The following PPFIBP2 variants were observed in gnomAD, a reference collection of about 807,000 sequenced individuals.
PPFIBP2 encodes PPFIB scaffold protein 2.
PPFIBP2 carries 118 observed loss-of-function variants against 118.3 expected under a neutral mutation model. That is an observed-to-expected ratio of 1.00 (90% CI 0.86 to 1.16). The LOEUF (loss-of-function observed/expected upper bound fraction) is 1.16. Ranked by LOEUF, PPFIBP2 falls within the 50% of genes most tolerant of loss-of-function variation. The pLI is 0.00. For missense variants in PPFIBP2, 1,195 were observed against 1,073.1 expected, an observed-to-expected ratio of 1.11 and a Z score of -1.59; for synonymous variants, 414 against 397.4, an observed-to-expected ratio of 1.04 and a Z score of -0.50.
intron 1 of PPFIBP2, chr11:7,538,175 C>T (rs939930561): frequency 2.0e-5 from 3 of 152,282 alleles, no homozygotes; most frequent in Non-Finnish European, 2.9e-5. Flanking sequence ...GACTCACACC[C>T]GTTTCCTGGC....
At chr11:7,541,952 T>C (rs1333535710) in intron 1 of PPFIBP2, among the ~76,000 whole-genome samples, 3 of 152,182 alleles carry the variant, frequency 2.0e-5, no homozygotes, top group African/African-American at 7.2e-5. Flanking sequence ...GTCCCCAAGG[T>C]ATATCAGGAA....
intron 4 of PPFIBP2, 80 bp downstream of exon 4, chr11:7,593,304 G>T: frequency 6.6e-7 from 1 of 1,516,494 alleles, no homozygotes. Flanking sequence ...GGAAGCCCAA[G>T]AGATTTTCTC....
intron 3 of PPFIBP2, among the ~76,000 whole-genome samples, chr11:7,588,068 C>T (rs1858535129): frequency 1.3e-5 from 2 of 152,120 alleles, no homozygotes; most frequent in African/African-American, 4.8e-5. Context: ...AAATCTCATC[C>T]CTAAAATGCA....
chr11:7,611,226 A>T (rs562640958), intron 6 of PPFIBP2, among the ~76,000 whole-genome samples: 11 of 152,346 alleles, frequency 7.2e-5, no homozygotes, highest in African/African-American at 2.4e-4. Context: ...TCTGAACTTC[A>T]ATTTCTTTAT....
At position 7,650,389 on chromosome 11, in the gene PPFIBP2, T is replaced by C. The variant is rs76408435; in HGVS notation, c.2122-451T>C. On this transcript the variant is annotated intron_variant, in intron 21 of 23. Transcript: ENST00000299492. ...ATGTCAGGCACAGCGCTGTGCATTTTTAAGACCACAGTGCTACGTGAGAGC... is the reference window on the plus strand; with the variant it reads ...ATGTCAGGCACAGCGCTGTGCATTTCTAAGACCACAGTGCTACGTGAGAGC... Among the ~76,000 whole-genome samples the C allele has an allele frequency of 8.0e-3, 1,225 of 152,300 alleles. 12 individuals carry two copies. The highest frequency in any genetic ancestry group is 0.027 in the African/African-American group (1,134 of 41,546).
At chr11:7,649,767 C>T (rs1853693744) in intron 21 of PPFIBP2, 113 bp downstream of exon 21, 1 of 1,454,678 alleles carries the variant, frequency 6.9e-7, no homozygotes, top group Non-Finnish European at 9.4e-7. Flanking sequence ...CACCATGGTG[C>T]CTGGGATTCT....
At chr11:7,586,031 A>T (rs1275617242) in intron 3 of PPFIBP2, among the ~76,000 whole-genome samples, 1 of 152,248 alleles carries the variant, frequency 6.6e-6, no homozygotes, top group East Asian at 1.9e-4. Context: ...AAATGTGAGC[A>T]CTTGTTCAGG....
the PPFIBP2 span, among the ~76,000 whole-genome samples, chr11:7,662,231 T>A: frequency 3.3e-5 from 5 of 152,306 alleles, no homozygotes; most frequent in African/African-American, 1.2e-4. Context: ...TGATGCAGTT[T>A]CTTCCTAGTC....
intron 6 of PPFIBP2, among the ~76,000 whole-genome samples, chr11:7,612,233 G>A (rs1314282857): frequency 6.6e-6 from 1 of 152,238 alleles, no homozygotes; most frequent in Non-Finnish European, 1.5e-5. Flanking sequence ...CCCAGGTGGT[G>A]ACAGAGATAG....
At chr11:7,559,831 T>C (rs1174530971) in intron 2 of PPFIBP2, among the ~76,000 whole-genome samples, 3 of 152,226 alleles carry the variant, frequency 2.0e-5, no homozygotes, top group African/African-American at 7.2e-5. Context: ...TGGGCTACTC[T>C]AGAGTCAGCT....
intron 2 of PPFIBP2, among the ~76,000 whole-genome samples, chr11:7,550,995 G>A (rs948042995): frequency 2.6e-5 from 4 of 152,070 alleles, no homozygotes; most frequent in Admixed American, 1.3e-4. Context: ...CCTTGTGGTC[G>A]TGTGAGTTAA....
intron 1 of PPFIBP2, among the ~76,000 whole-genome samples, chr11:7,519,244 G>C (rs1849514253): frequency 1.3e-5 from 2 of 152,108 alleles, no homozygotes; most frequent in African/African-American, 4.8e-5. Context: ...TGGGAGGAAT[G>C]GACAGCAGTC....
At chr11:7,577,639 G>T (rs1454419338) in intron 3 of PPFIBP2, 1 of 455,652 alleles carries the variant, frequency 2.2e-6, no homozygotes, top group South Asian at 1.5e-5. Flanking sequence ...GCTGAAGAGG[G>T]TAAGTGACTG....
intron 2 of PPFIBP2, among the ~76,000 whole-genome samples, chr11:7,561,749 A>C (rs1336805800): frequency 6.6e-6 from 1 of 152,258 alleles, no homozygotes; most frequent in Non-Finnish European, 1.5e-5. Flanking sequence ...CCCCAAACAT[A>C]ACATCATACA....
At chr11:7,600,314 G>A (rs1332319199) in intron 5 of PPFIBP2, among the ~76,000 whole-genome samples, 1 of 152,218 alleles carries the variant, frequency 6.6e-6, no homozygotes, top group African/African-American at 2.4e-5. Context: ...ATCCAAAGTT[G>A]AATGTTCGGC....
downstream of PPFIBP2, among the ~76,000 whole-genome samples, chr11:7,661,345 G>T (rs1395347065): frequency 6.6e-5 from 10 of 150,668 alleles, no homozygotes; most frequent in Non-Finnish European, 1.5e-5. Context: ...CTGGTATGTT[G>T]TGTCTCTGTT....
chr11:7,625,164 C>T (rs1419890134), intron 7 of PPFIBP2, among the ~76,000 whole-genome samples: 1 of 152,084 alleles, frequency 6.6e-6, no homozygotes, highest in East Asian at 1.9e-4. Flanking sequence ...ATGAAGCACT[C>T]CTGAATGCTT....
chr11:7,581,132 C>G (rs1208168767), intron 3 of PPFIBP2, among the ~76,000 whole-genome samples: 1 of 152,224 alleles, frequency 6.6e-6, no homozygotes, highest in Non-Finnish European at 1.5e-5. Flanking sequence ...AGTTCATTCT[C>G]CTAACAGACA....
chr11:7,641,757 A>G (rs890282721), intron 16 of PPFIBP2, 137 bp downstream of exon 16: 43 of 910,564 alleles, frequency 4.7e-5, no homozygotes, highest in Non-Finnish European at 7.0e-5. Flanking sequence ...AAAGAGAAGA[A>G]TCTGAGATAT....
Sources: allele counts gnomAD v4.1 joint callset (sites outside exome capture counted in the v4.1 genomes callset), GRCh38; gene constraint gnomAD v4.1.1; transcripts MANE v1.5; gene names NCBI Gene and HGNC (gene_info 2026-07-23, HGNC 2026-07-21).